The following TMOD2 variants were observed in gnomAD, a reference collection of about 807,000 sequenced individuals.
TMOD2 encodes the protein tropomodulin-2.
A neutral mutation model predicts 39.9 loss-of-function variants in TMOD2; 22 were observed. The ratio of observed to expected loss-of-function variants is 0.55; its 90% confidence interval spans 0.39 to 0.79. The LOEUF (loss-of-function observed/expected upper bound fraction) is 0.79. Among genes scored for constraint, TMOD2 ranks in the 30% least tolerant of loss-of-function variants. The pLI, the probability that TMOD2 is intolerant of heterozygous loss-of-function variation, is 0.00. For synonymous variants in TMOD2, 123 were observed against 146.1 expected (o/e 0.84, Z 1.14); for missense variants, 386 against 413.3 (o/e 0.93, Z 0.57).
chr15:51,803,846 G>C (rs979839011), intron 8 of TMOD2, among the ~76,000 whole-genome samples: 4 of 152,186 alleles, frequency 2.6e-5, no homozygotes, highest in Non-Finnish European at 5.9e-5. Flanking sequence ...ATATAAACCT[G>C]TAAGAAAATT....
intron 2 of TMOD2, chr15:51,767,264 G>C (rs1298244176): frequency 6.6e-6 from 1 of 152,196 alleles, no homozygotes; most frequent in Non-Finnish European, 1.5e-5. Context: ...GACCTCAGGT[G>C]ATCTGCCCAC....
intron 8 of TMOD2, among the ~76,000 whole-genome samples, chr15:51,798,566 T>A (rs1353485143): frequency 6.6e-6 from 1 of 152,200 alleles, no homozygotes. Flanking sequence ...TAAAGAGCCA[T>A]CTATCCCACA....
chr15:51,770,824 A>G (rs1379500765), intron 3 of TMOD2, among the ~76,000 whole-genome samples: 4 of 152,188 alleles, frequency 2.6e-5, no homozygotes, highest in African/African-American at 4.8e-5. Flanking sequence ...ATAAATAAAT[A>G]AATAATAGTG....
At chr15:51,783,916 C>T (rs2055950974) in intron 7 of TMOD2, 1 of 152,130 alleles carries the variant, frequency 6.6e-6, no homozygotes, top group Admixed American at 6.5e-5. Context: ...TTTATTCTTC[C>T]TATCAATAGC....
intron 8 of TMOD2, among the ~76,000 whole-genome samples, chr15:51,802,253 A>G (rs933710156): frequency 6.6e-6 from 1 of 152,036 alleles, no homozygotes; most frequent in South Asian, 2.1e-4. Flanking sequence ...TATTATTAAT[A>G]TTTCCTATTT....
chr15:51,795,727 C>T (rs1166815619), intron 7 of TMOD2, among the ~76,000 whole-genome samples: 1 of 151,290 alleles, frequency 6.6e-6, no homozygotes, highest in Admixed American at 6.6e-5. Context: ...CTATCTTCAT[C>T]TTTTTGCTGT....
chr15:51,806,177 G>A (rs2056120178), intron 8 of TMOD2, among the ~76,000 whole-genome samples, 200 bp from the exon 9 acceptor site: 1 of 152,144 alleles, frequency 6.6e-6, no homozygotes, highest in Non-Finnish European at 1.5e-5. Context: ...CTATCTGTCT[G>A]TTGGATTTTG....
chr15:51,794,441 T>G (rs1183520174), intron 7 of TMOD2, among the ~76,000 whole-genome samples: 3 of 152,180 alleles, frequency 2.0e-5, no homozygotes, highest in Non-Finnish European at 2.9e-5. Context: ...ATTAAAGTGG[T>G]TACTGGCTCA....
At chr15:51,770,397 T>C (rs1176387844) in intron 3 of TMOD2, among the ~76,000 whole-genome samples, 1 of 152,202 alleles carries the variant, frequency 6.6e-6, no homozygotes, top group East Asian at 1.9e-4. Flanking sequence ...TTACTTTGGT[T>C]TTTGCATGTT....
At chr15:51,797,296 T>C (rs1321332226) in intron 7 of TMOD2, among the ~76,000 whole-genome samples, 8 of 152,126 alleles carry the variant, frequency 5.3e-5, no homozygotes. Context: ...CCTGGGAGAC[T>C]TCATTGATTG....
chr15:51,764,276 C>T (rs1280462166), intron 1 of TMOD2, among the ~76,000 whole-genome samples: 1 of 152,100 alleles, frequency 6.6e-6, no homozygotes, highest in Non-Finnish European at 1.5e-5. Flanking sequence ...GAGATGGTAC[C>T]ACTGCATTCC....
rs144339890 is a variant in TMOD2, at chr15:51,774,306, A to T, written c.406+472A>T. On this transcript the variant is annotated intron_variant, in intron 4 of 9. Transcript: ENST00000249700. Reference sequence around the variant, plus strand: ...ATAATTATTATTATTTAAAATGCAGATAGAAAAAGGTCAAAGAGTACAAAA... The same window carrying T: ...ATAATTATTATTATTTAAAATGCAGTTAGAAAAAGGTCAAAGAGTACAAAA... Among the ~76,000 whole-genome samples the T allele has an allele frequency of 2.3e-3, 348 of 152,326 alleles. 1 individual carries two copies. Among genetic ancestry groups the T allele is most frequent in the African/African-American group, 8.0e-3 (331 of 41,576 alleles).
At chr15:51,766,324 G>C in intron 1 of TMOD2, 49 bp from the exon 2 acceptor site, 1 of 958,206 alleles carries the variant, frequency 1.0e-6, no homozygotes, top group African/African-American at 1.7e-5. Flanking sequence ...AATAAGTCCT[G>C]TTTACAGAAC....
rs75985726 is a variant in TMOD2, at chr15:51,804,445, A to G, written c.877-1932A>G. On this transcript the variant is annotated intron_variant, in intron 8 of 9. Coordinates refer to ENST00000249700, the MANE Select transcript of TMOD2 (RefSeq NM_014548.4). The stretch of plus-strand genomic sequence containing the variant: ...ATGCATAGAAAATGTTTAGAACACT[A>G]CATACTGCATGCCAATCTGGCTTTC... 8.0e-3 allele frequency among the ~76,000 whole-genome samples: 1,213 copies of G among 152,358 alleles called. 24 individuals carry two copies. The highest frequency in any genetic ancestry group is 0.028 in the African/African-American group (1,163 of 41,580).
intron 1 of TMOD2, among the ~76,000 whole-genome samples, chr15:51,762,300 T>TAA (rs375164029): frequency 1.4e-5 from 2 of 145,972 alleles, no homozygotes; most frequent in African/African-American, 5.0e-5. Context: ...CTTCAAAAAA[T>TAA]AAAAAAAAAA....
At chr15:51,779,763 C>T (rs911765220) in intron 5 of TMOD2, among the ~76,000 whole-genome samples, 2 of 152,118 alleles carry the variant, frequency 1.3e-5, no homozygotes, top group Non-Finnish European at 2.9e-5. Context: ...TCACTGCAGC[C>T]TCAAACTCCT....
At chr15:51,759,125 T>A (rs2055762035) in intron 1 of TMOD2, among the ~76,000 whole-genome samples, 1 of 152,026 alleles carries the variant, frequency 6.6e-6, no homozygotes, top group Admixed American at 6.6e-5. Flanking sequence ...GTGAAGTGGG[T>A]GGATTCTCAA....
chr15:51,776,964 C>T lies in TMOD2; in HGVS notation c.439C>T (p.Pro147Ser). The stretch of plus-strand genomic sequence containing the variant: ...TGGAGTACACAATTTGCTCAACAAT[C>T]CAAAGTTCGATGAAGAAACAGCCAA... ...VLGVHNLLNN[P>S]KFDEETANNK... Residue 147 changes from proline to serine, a missense_variant, in exon 5 of 10, where the codon CCA becomes TCA. Transcript: ENST00000249700. The T allele has an allele frequency of 6.2e-7, 1 of 1,613,878 alleles. No homozygotes were observed. The highest frequency in any genetic ancestry group is 2.2e-5 in the East Asian group (1 of 44,878).
In TMOD2 at chr15:51,773,655, T is replaced by C. The variant is rs531183516; in HGVS notation, c.284-57T>C. 2.6e-6 allele frequency: 4 copies of C among 1,535,446 alleles called. No homozygotes were observed. The East Asian group carries it at 9.2e-5, about 35-fold the overall frequency. ...GAACTGCATTCTCTGCTCAGTCTAC[T>C]TACCCTACCAATAAGGCAGTAGTAC... On this transcript the variant is annotated intron_variant, in intron 3 of 9. Coordinates refer to ENST00000249700, the MANE Select transcript of TMOD2 (RefSeq NM_014548.4).
Sources: gnomAD v4.1 joint callset for allele counts (sites outside exome capture counted in the v4.1 genomes callset) on GRCh38, gnomAD v4.1.1 for gene constraint, MANE v1.5 for transcripts, NCBI Gene and HGNC (gene_info 2026-07-23, HGNC 2026-07-21) for gene names.